ERBB3: variants seen among roughly 807,000 people sequenced by gnomAD.
ERBB3 encodes receptor tyrosine-protein kinase erbB-3.
Under a neutral mutation model 156.7 loss-of-function variants are expected in ERBB3, and 96 were observed. The observed-to-expected ratio is 0.61, with a 90% CI of 0.52 to 0.73. The LOEUF (loss-of-function observed/expected upper bound fraction) is 0.73, where lower values mean the gene tolerates loss of function less well. Ranked by LOEUF, ERBB3 falls within the 30% of genes least tolerant of loss-of-function variation. The pLI is 0.00. For missense variants in ERBB3, 1,406 were observed against 1,709.4 expected (o/e 0.82, Z 3.13); for synonymous variants, 567 against 632.0 (o/e 0.90, Z 1.54).
In ERBB3 at chr12:56,096,304, T is replaced by C. The variant is rs1321621955; in HGVS notation, c.2056-199T>C. ...GGGAAAACCCAACCCCTTTGATTCC[T>C]GATCTCATGAGCACAAATAACTTCC... On this transcript the variant is annotated intron_variant, in intron 17 of 27. Transcript: ENST00000267101. 6.1e-6 allele frequency: 4 copies of C among 653,376 alleles called. No homozygotes were observed. The East Asian group carries it at 8.3e-5, about 14-fold the overall frequency. 40.5% of individuals were successfully genotyped at this position (653,376 alleles called of 1,614,324 possible). A position where few individuals can be genotyped will look rare whatever the true frequency, so the allele number is the denominator to read the frequency against.
At chr12:56,091,321 A>AAATATATAT (rs1257226452) in intron 9 of ERBB3, among the ~76,000 whole-genome samples, 2 of 79,706 alleles carry the variant, frequency 2.5e-5, no homozygotes, top group Non-Finnish European at 5.3e-5. Flanking sequence ...ATATAAATAT[A>AAATATATAT]TATATATAAA....
At position 56,095,786 on chromosome 12, in the gene ERBB3, C is replaced by T. The variant is rs1377374701; in HGVS notation, c.2035C>T (p.Arg679Ter). The T allele has an allele frequency of 4.3e-6, 7 of 1,614,110 alleles. No individual in the cohort carries two copies. The Admixed American group carries it at 8.3e-5, about 19-fold the overall frequency. ...RRIQNKRAMRRYLERGESIEP... is the reference protein window; with the variant it reads ...RRIQNKRAMR ...GATTCAGAATAAAAGGGCTATGAGG[C>T]GATACTTGGAACGGGGTGAGGTGAG... The change falls in exon 17 of 28, where the codon CGA becomes TGA. Residue 679 changes from arginine to a stop codon, truncating the protein, a stop_gained. Transcript: ENST00000267101. LOFTEE classifies it high-confidence loss of function.
chr12:56,091,314 T>TATGTTAC, intron 9 of ERBB3, among the ~76,000 whole-genome samples: 1 of 1,222 alleles, frequency 8.2e-4, no homozygotes, highest in South Asian at 0.036. Context: ...TATATAAATA[T>TATGTTAC]AAATATATAT....
intron 20 of ERBB3, 93 bp downstream of exon 20, chr12:56,097,323 G>T (rs978502312): frequency 1.6e-6 from 2 of 1,253,716 alleles, no homozygotes; most frequent in African/African-American, 2.9e-5. Flanking sequence ...GAGAGGTGAG[G>T]TCCCCAACCC....
intron 1 of ERBB3, among the ~76,000 whole-genome samples, chr12:56,083,151 G>C (rs994274085): frequency 2.6e-5 from 4 of 152,128 alleles, no homozygotes; most frequent in Non-Finnish European, 5.9e-5. Context: ...GGGTGGAGGG[G>C]AGTGCTGCTG....
chr12:56,100,356 T>A, intron 26 of ERBB3, 111 bp downstream of exon 26: 1 of 956,666 alleles, frequency 1.0e-6, no homozygotes, highest in Non-Finnish European at 1.7e-6. Flanking sequence ...AAGAAGGCAG[T>A]GAGGGCCGGG....
chr12:56,098,627 T>C, intron 22 of ERBB3, 52 bp downstream of exon 22: 1 of 1,585,256 alleles, frequency 6.3e-7, no homozygotes. Flanking sequence ...GTTTCAAATT[T>C]ACCTTTTGAG....
chr12:56,097,976 A>G (rs1403993756), intron 21 of ERBB3, 36 bp downstream of exon 21: 1 of 1,608,514 alleles, frequency 6.2e-7, no homozygotes, highest in Non-Finnish European at 8.5e-7. Flanking sequence ...GCGGGGGTGG[A>G]GTGAAGCATG....
intron 23 of ERBB3, 53 bp from the exon 24 acceptor site, chr12:56,099,595 G>C: frequency 6.6e-7 from 1 of 1,508,196 alleles, no homozygotes; most frequent in South Asian, 1.1e-5. Flanking sequence ...CACCGCGCCC[G>C]GCCATGGAAT....
Position 56,094,673 on chromosome 12 carries a change from C to T in ERBB3, c.1859+117C>T, listed in dbSNP as rs1054139090. 1.8e-5 allele frequency: 23 copies of T among 1,257,320 alleles called. No homozygotes were observed. In the East Asian group the frequency reaches 2.8e-4, roughly 15 times the overall value. The allele number at this position is 1,257,320 out of a possible 1,614,324, so 77.9% of individuals were successfully genotyped here. Reference sequence around the variant, plus strand: ...GATTCAAGAATCACTCCCAGCTGGCCGGGCGCAGTGGCTCACACCTGTAAT... The same window carrying T: ...GATTCAAGAATCACTCCCAGCTGGCTGGGCGCAGTGGCTCACACCTGTAAT... On this transcript the variant is annotated intron_variant, in intron 15 of 27. Coordinates refer to ENST00000267101, the MANE Select transcript of ERBB3 (RefSeq NM_001982.4).
chr12:56,096,076 A>G, intron 17 of ERBB3: 1 of 555,876 alleles, frequency 1.8e-6, no homozygotes, highest in Non-Finnish European at 3.2e-6. Context: ...GAAGTTACTT[A>G]TCTTCTCTGT....
At chr12:56,085,468 G>C in intron 3 of ERBB3, 1 of 1,375,270 alleles carries the variant, frequency 7.3e-7, no homozygotes, top group Non-Finnish European at 9.4e-7. Flanking sequence ...CCGGAGGCCA[G>C]GCCTGATGGC....
rs750173361 is a variant in ERBB3 at position 56,096,727 on chromosome 12, C to T, written c.2176-21C>T. ...CCTAGGGAGAATGACCTTATGCCAA[C>T]TCCTGCCCCAAACTTCCCAGGGAGT... On this transcript the variant is annotated intron_variant, in intron 18 of 27. Coordinates refer to ENST00000267101, the MANE Select transcript of ERBB3 (RefSeq NM_001982.4). 9.9e-6 allele frequency: 16 copies of T among 1,612,290 alleles called. 1 individual carries two copies. Among genetic ancestry groups the T allele is most frequent in the Admixed American group, 8.3e-5 (5 of 59,990 alleles).
At chr12:56,096,920 T>C in intron 19 of ERBB3, 74 bp downstream of exon 19, 1 of 1,342,126 alleles carries the variant, frequency 7.5e-7, no homozygotes, top group Non-Finnish European at 1.1e-6. Context: ...AGCAGGGTCC[T>C]GTGCTTCTCA....
intron 1 of ERBB3, among the ~76,000 whole-genome samples, chr12:56,083,123 T>C (rs1433238173): frequency 6.6e-6 from 1 of 152,076 alleles, no homozygotes; most frequent in Non-Finnish European, 1.5e-5. Flanking sequence ...AGGTCACTTG[T>C]CTGAGCCCAA....
rs544630584 is a variant in ERBB3 at position 56,093,537 on chromosome 12, G to A, written c.1467G>A (p.Pro489=). 7 of 1,611,904 alleles carry A rather than the reference G, an allele frequency of 4.3e-6. No homozygotes were observed. Among genetic ancestry groups the A allele is most frequent in the African/African-American group, 1.3e-5 (1 of 74,796 alleles). ...GACTAGACATCAAGCATAATCGGCCGCGCAGAGACTGCGGTGAGGGAAAGG... is the reference window on the plus strand; with the variant it reads ...GACTAGACATCAAGCATAATCGGCCACGCAGAGACTGCGGTGAGGGAAAGG... ...EERLDIKHNR[P]RRDCVAEGKV... is the part of the protein sequence containing the mutation. The change falls in exon 12 of 28, where the codon CCG becomes CCA. Residue 489 remains proline, a synonymous_variant. Coordinates refer to ENST00000267101, the MANE Select transcript of ERBB3 (RefSeq NM_001982.4).
Position 56,085,060 on chromosome 12 carries a change from C to G in ERBB3, c.300C>G (p.Pro100=), listed in dbSNP as rs2136788180. 1 of 1,614,088 alleles carries G rather than the reference C, an allele frequency of 6.2e-7. No homozygotes were observed. Among genetic ancestry groups the G allele is most frequent in the Non-Finnish European group, 8.5e-7 (1 of 1,180,014 alleles). ...AMNEFSTLPL[P]NLRVVRGTQV... Reference sequence around the variant, plus strand: ...ATGAATTCTCTACTCTACCATTGCCCAACCTCCGCGTGGTGCGAGGGACCC... The same window carrying G: ...ATGAATTCTCTACTCTACCATTGCCGAACCTCCGCGTGGTGCGAGGGACCC... Residue 100 remains proline, a synonymous_variant, in exon 3 of 28, where the codon CCC becomes CCG. Transcript: ENST00000267101.
At chr12:56,097,262 GA>G in intron 20 of ERBB3, 32 bp downstream of exon 20, 1 of 1,603,858 alleles carries the variant, frequency 6.2e-7, no homozygotes, top group Admixed American at 1.7e-5. Context: ...TCTGTGATAA[GA>G]ACTGCTTGTC....
intron 16 of ERBB3, 60 bp from the exon 17 acceptor site, chr12:56,095,605 T>C (rs1868863010): frequency 3.1e-6 from 5 of 1,594,740 alleles, no homozygotes; most frequent in African/African-American, 1.3e-5. Context: ...ACAAGTATAG[T>C]TGACATTTGT....
Sources: gnomAD v4.1 joint callset for allele counts (sites outside exome capture counted in the v4.1 genomes callset) on GRCh38, gnomAD v4.1.1 for gene constraint, MANE v1.5 for transcripts, NCBI Gene and HGNC (gene_info 2026-07-23, HGNC 2026-07-21) for gene names.